Variants in WNT9B observed in about 807,000 individuals in gnomAD.
WNT9B encodes the protein Wnt family member 9B.
Under a neutral mutation model 30.2 loss-of-function variants are expected in WNT9B, and 12 were observed. The ratio of observed to expected loss-of-function variants is 0.40; its 90% confidence interval spans 0.26 to 0.64. The LOEUF is 0.64. WNT9B is among the 30% of genes least tolerant of loss of function. The pLI, the probability that WNT9B is intolerant of heterozygous loss-of-function variation, is 0.42. For missense variants in WNT9B, 442 were observed against 485.2 expected, an observed-to-expected ratio of 0.91 and a Z score of 0.84; for synonymous variants, 218 against 216.9, an observed-to-expected ratio of 1.01 and a Z score of -0.05.
intron 1 of WNT9B, among the ~76,000 whole-genome samples, chr17:46,842,176 G>A (rs2084723682): frequency 6.6e-6 from 1 of 152,182 alleles, no homozygotes; most frequent in African/African-American, 2.4e-5. Flanking sequence ...TAGGTCCTTG[G>A]GCAGGCCACT....
At position 46,872,661 on chromosome 17, in the gene WNT9B, G is replaced by T. The variant is rs750366067; in HGVS notation, c.222G>T (p.Leu74=). ...AGCTCTGCCGGAGGGAGCCCGGCCT[G>T]GCTGAGACCCTGAGGGATGCTGCGC... ...QKQLCRREPG[L]AETLRDAAHL... The change falls in exon 2 of 4, where the codon CTG becomes CTT. Residue 74 remains leucine (L), a synonymous_variant. Transcript: ENST00000290015. The T allele has an allele frequency of 6.2e-7, 1 of 1,613,728 alleles. No homozygotes were observed. Among genetic ancestry groups the T allele is most frequent in the Non-Finnish European group, 8.5e-7 (1 of 1,180,022 alleles).
chr17:46,864,056 C>T (rs1159533726), intron 1 of WNT9B, among the ~76,000 whole-genome samples: 3 of 152,322 alleles, frequency 2.0e-5, no homozygotes, highest in South Asian at 2.1e-4. Flanking sequence ...GAGGGGGTCA[C>T]GCACAAGGCA....
At chr17:46,868,327 C>A (rs546163306) in intron 1 of WNT9B, among the ~76,000 whole-genome samples, 4 of 152,344 alleles carry the variant, frequency 2.6e-5, no homozygotes, top group African/African-American at 9.6e-5. Context: ...CGTGGTGGCT[C>A]ATGCCTGTAA....
intron 2 of WNT9B, among the ~76,000 whole-genome samples, chr17:46,874,642 A>G (rs1389356543): frequency 6.6e-6 from 1 of 152,110 alleles, no homozygotes; most frequent in East Asian, 1.9e-4. Flanking sequence ...CAATGGCGCA[A>G]TCTCAGCTCA....
rs1005725634 is a variant in WNT9B at position 46,844,228 on chromosome 17, A to T, written c.95+10788A>T. 2.0e-5 allele frequency among the ~76,000 whole-genome samples: 3 copies of T among 150,912 alleles called. No homozygotes were observed. In the South Asian group the frequency reaches 6.3e-4, roughly 32 times the overall value. ...TGCCTCAGTCTCCCAGAATGCTAGG[A>T]TTATAGGCATGAGCCACTGTATCCA... On this transcript the variant is annotated intron_variant, in intron 1 of 2. Transcript: ENST00000575372.
intron 1 of WNT9B, among the ~76,000 whole-genome samples, chr17:46,852,223 C>T (rs1298373495): frequency 2.0e-5 from 3 of 152,220 alleles, no homozygotes; most frequent in Admixed American, 6.5e-5. Flanking sequence ...TTCCCGGTCT[C>T]GGGGCAGAGG....
Position 46,846,179 on chromosome 17 carries a change from G to A in WNT9B, c.95+12739G>A, listed in dbSNP as rs2084774382. 2.0e-5 allele frequency among the ~76,000 whole-genome samples: 3 copies of A among 152,172 alleles called. No homozygotes were observed. In the South Asian group the frequency reaches 6.2e-4, roughly 32 times the overall value. Reference sequence around the variant, plus strand: ...GAACTGGACTGCTCAAAGCACTCCTGCTAGTTTCAACCGTTTCAGTACAGA... The same window carrying A: ...GAACTGGACTGCTCAAAGCACTCCTACTAGTTTCAACCGTTTCAGTACAGA... On this transcript the variant is annotated intron_variant, in intron 1 of 2. Coordinates refer to the WNT9B transcript ENST00000575372.
At chr17:46,833,226 T>A (rs957829969) in exon 1 of WNT9B, 2 of 412,506 alleles carry the variant, frequency 4.8e-6, no homozygotes, top group Non-Finnish European at 9.8e-6. Context: ...AGCATGTGCG[T>A]GGAAGCTGGG....
chr17:46,874,670 C>T (rs371439428), intron 2 of WNT9B, among the ~76,000 whole-genome samples: 4 of 152,262 alleles, frequency 2.6e-5, no homozygotes, highest in East Asian at 3.9e-4. Context: ...CTCCACCTTC[C>T]GGGTTCAAGT....
Position 46,872,395 on chromosome 17 carries a change from A to G in WNT9B, c.78-122A>G, listed in dbSNP as rs1042250737. 3.6e-5 allele frequency: 48 copies of G among 1,350,812 alleles called. No homozygotes were observed. The Admixed American group carries it at 7.4e-4, about 21-fold the overall frequency. The allele number at this position is 1,350,812 out of a possible 1,614,324, so 83.7% of individuals were successfully genotyped here. A position where few individuals can be genotyped will look rare whatever the true frequency, so the allele number is the denominator to read the frequency against. On this transcript the variant is annotated intron_variant, in intron 1 of 3. Transcript: ENST00000290015. The stretch of plus-strand genomic sequence containing the variant: ...TCTGTAAAATGGGGACGGGACCTCC[A>G]GCGGGTCAGCCTGCTGCCCAGAAGG...
upstream of WNT9B, among the ~76,000 whole-genome samples, chr17:46,848,914 C>A (rs74877805): frequency 6.7e-6 from 1 of 148,278 alleles, no homozygotes; most frequent in Admixed American, 6.8e-5. Flanking sequence ...GAGCCAGGCC[C>A]GGCACATGTG....
chr17:46,876,474 G>A lies in WNT9B; in HGVS notation c.830G>A (p.Arg277Lys). ...QGSLTKGLAP[R>K]SGDLVYMEDS... ...AGCCTCACCAAAGGCCTGGCCCCAA[G>A]GTCTGGGGACCTGGTGTACATGGAG... Residue 277 changes from arginine (R) to lysine (K), a missense_variant, in exon 4 of 4, where the codon AGG (arginine) becomes AAG (lysine). By Grantham distance (26) the Arg-to-Lys change is conservative. Coordinates refer to ENST00000290015, the MANE Select transcript of WNT9B (RefSeq NM_003396.3). 1 of 1,613,684 alleles carries A rather than the reference G, an allele frequency of 6.2e-7. No individual in the cohort carries two copies. Among genetic ancestry groups the A allele is most frequent in the Non-Finnish European group, 8.5e-7 (1 of 1,180,044 alleles).
downstream of WNT9B, among the ~76,000 whole-genome samples, chr17:46,881,294 C>T (rs758632469): frequency 1.4e-4 from 21 of 152,250 alleles, no homozygotes; most frequent in Non-Finnish European, 2.1e-4. Flanking sequence ...CCAGCATCCC[C>T]GTCCTAACAT....
Position 46,875,263 on chromosome 17 carries a change from T to A in WNT9B, c.497T>A (p.Leu166His). The change falls in exon 3 of 4, where the codon CTC becomes CAC. Residue 166 changes from leucine to histidine, a missense_variant. By Grantham distance (99) the Leu-to-His change is moderately conservative. Transcript: ENST00000290015. Reference sequence around the variant, plus strand: ...CAGTGGGGCGTGTGCGGTGACAACCTCAAGTACAGCACCAAGTTTCTGAGC... The same window carrying A: ...CAGTGGGGCGTGTGCGGTGACAACCACAAGTACAGCACCAAGTTTCTGAGC... ...AWQWGVCGDN[L>H]KYSTKFLSNF... 6.2e-7 allele frequency: 1 copy of A among 1,614,118 alleles called. No homozygotes were observed. Among genetic ancestry groups the A allele is most frequent in the Non-Finnish European group, 8.5e-7 (1 of 1,180,014 alleles).
At chr17:46,847,967 A>AGTGTGTGT (rs57125736), upstream of WNT9B, among the ~76,000 whole-genome samples, 5,325 of 149,626 alleles carry the variant, frequency 0.036, 99 homozygotes, top group Middle Eastern at 0.058. Flanking sequence ...TGATTTCCAA[A>AGTGTGTGT]GTGTGTGTGT....
intron 1 of WNT9B, among the ~76,000 whole-genome samples, chr17:46,860,937 C>T (rs1320696740): frequency 6.6e-6 from 1 of 152,214 alleles, no homozygotes; most frequent in Non-Finnish European, 1.5e-5. Flanking sequence ...TAGCTCATGG[C>T]AGCCTTGAAC....
In WNT9B at chr17:46,880,389, T is replaced by G. The variant is rs1032278207; in HGVS notation, c.*3671T>G. ...GAAGCCATCACTTATTGAGCACCCCTTATGTCCATTTATTCAACCAATGAT... is the reference window on the plus strand; with the variant it reads ...GAAGCCATCACTTATTGAGCACCCCGTATGTCCATTTATTCAACCAATGAT... On this transcript the variant is annotated 3_prime_UTR_variant, in exon 4 of 4. Transcript: ENST00000290015. 1.3e-5 allele frequency among the ~76,000 whole-genome samples: 2 copies of G among 152,182 alleles called. No individual in the cohort carries two copies. Among genetic ancestry groups the G allele is most frequent in the Middle Eastern group, 3.2e-3 (1 of 316 alleles).
chr17:46,876,957 G>A lies in WNT9B; in HGVS notation c.*239G>A, dbSNP rs1274526102. ...CCCAAGCATCCCCAACCTTGTTGAG[G>A]ACTTGGAGAGGAGGGCAGAGTGAGA... On this transcript the variant is annotated 3_prime_UTR_variant, in exon 4 of 4. Coordinates refer to ENST00000290015, the MANE Select transcript of WNT9B (RefSeq NM_003396.3). 2.3e-6 allele frequency: 3 copies of A among 1,309,568 alleles called. No homozygotes were observed. The African/African-American group carries it at 4.4e-5, about 19-fold the overall frequency. The allele number at this position is 1,309,568 out of a possible 1,614,324, so 81.1% of individuals were successfully genotyped here.
At chr17:46,848,471 G>A (rs750828337), upstream of WNT9B, among the ~76,000 whole-genome samples, 80 of 152,244 alleles carry the variant, frequency 5.3e-4, no homozygotes, top group Admixed American at 5.2e-3. Context: ...CAGAGGGAAG[G>A]TGGCAGAGCA....
Sources: gnomAD v4.1 joint callset for allele counts (sites outside exome capture counted in the v4.1 genomes callset) on GRCh38, gnomAD v4.1.1 for gene constraint, MANE v1.5 for transcripts, NCBI Gene and HGNC (gene_info 2026-07-23, HGNC 2026-07-21) for gene names.